The following TAFA1 variants were observed in gnomAD, a reference collection of about 807,000 sequenced individuals.
The protein encoded by TAFA1 is chemokine-like protein TAFA-1.
Under a neutral mutation model 18.5 loss-of-function variants are expected in TAFA1, and 4 were observed. The ratio of observed to expected loss-of-function variants is 0.22; its 90% CI spans 0.11 to 0.49. The LOEUF is 0.49. Ranked by LOEUF, TAFA1 falls within the 20% of genes least tolerant of loss-of-function variation. TAFA1 has a pLI of 0.98. For missense variants in TAFA1, 147 were observed against 169.0 expected, an observed-to-expected ratio of 0.87 and a Z score of 0.72; for synonymous variants, 56 against 55.2, an observed-to-expected ratio of 1.01 and a Z score of -0.06.
intron 2 of TAFA1, among the ~76,000 whole-genome samples, chr3:68,026,797 C>T (rs1286056908): frequency 6.6e-6 from 1 of 152,140 alleles, no homozygotes; most frequent in Admixed American, 6.5e-5. Context: ...ACAGTTACCT[C>T]AGGAGGTTGT....
At chr3:68,315,494 G>T (rs1340266644) in intron 2 of TAFA1, among the ~76,000 whole-genome samples, 1 of 152,094 alleles carries the variant, frequency 6.6e-6, no homozygotes, top group African/African-American at 2.4e-5. Flanking sequence ...TTCTCCTAAA[G>T]ATACATTACT....
intron 2 of TAFA1, among the ~76,000 whole-genome samples, chr3:68,012,219 T>C (rs942880946): frequency 1.3e-5 from 2 of 152,192 alleles, no homozygotes; most frequent in Admixed American, 6.5e-5. Context: ...AATGTGCAAA[T>C]CCTGACACTT....
rs919872299 is a variant in TAFA1, at chr3:68,351,385, C to G, written c.119-65895C>G. On this transcript the variant is annotated intron_variant, in intron 2 of 4. Coordinates refer to ENST00000478136, the MANE Select transcript of TAFA1 (RefSeq NM_213609.4). ...GAATCAGATAAATTGGGGTAAACAC[C>G]ACACCAGAGAATTTCTTAGTGTATT... 2.0e-5 allele frequency among the ~76,000 whole-genome samples: 3 copies of G among 151,948 alleles called. No individual in the cohort carries two copies. In the South Asian group the frequency reaches 6.2e-4, roughly 32 times the overall value.
chr3:68,473,407 T>C (rs1050482866), intron 3 of TAFA1, among the ~76,000 whole-genome samples: 1 of 152,180 alleles, frequency 6.6e-6, no homozygotes, highest in Non-Finnish European at 1.5e-5. Flanking sequence ...ATGAAGAATA[T>C]TTTGCCTTGC....
intron 3 of TAFA1, among the ~76,000 whole-genome samples, chr3:68,429,123 GC>G (rs773329027): frequency 6.6e-6 from 1 of 152,028 alleles, no homozygotes; most frequent in Non-Finnish European, 1.5e-5. Context: ...GGGAGATGTT[GC>G]CTTTCATCTT....
At chr3:68,322,901 C>CCA (rs2068716910) in intron 2 of TAFA1, among the ~76,000 whole-genome samples, 1 of 152,072 alleles carries the variant, frequency 6.6e-6, no homozygotes. Flanking sequence ...GAAGATCACA[C>CCA]CACTGCACTC....
intron 2 of TAFA1, among the ~76,000 whole-genome samples, chr3:68,360,142 C>G (rs1001572759): frequency 2.0e-5 from 3 of 151,958 alleles, no homozygotes; most frequent in African/African-American, 4.8e-5. Flanking sequence ...GATGGCACTT[C>G]AGTTCCATGC....
intron 2 of TAFA1, among the ~76,000 whole-genome samples, chr3:68,013,281 T>TTG (rs1473604306): frequency 1.3e-5 from 2 of 152,100 alleles, no homozygotes; most frequent in African/African-American, 2.4e-5. Flanking sequence ...ATGTGCATTT[T>TTG]TGTGTGTGTG....
At chr3:68,508,320 A>G (rs900234366) in intron 3 of TAFA1, among the ~76,000 whole-genome samples, 1 of 151,902 alleles carries the variant, frequency 6.6e-6, no homozygotes, top group Non-Finnish European at 1.5e-5. Flanking sequence ...TTTCAAGGGG[A>G]CATAAACATG....
At chr3:68,528,858 G>C (rs761274670) in intron 3 of TAFA1, among the ~76,000 whole-genome samples, 1 of 152,058 alleles carries the variant, frequency 6.6e-6, no homozygotes, top group African/African-American at 2.4e-5. Context: ...TTTTGGTTTG[G>C]CATGATTTTA....
chr3:68,182,613 A>G (rs1168689435), intron 2 of TAFA1, among the ~76,000 whole-genome samples: 1 of 152,130 alleles, frequency 6.6e-6, no homozygotes, highest in Non-Finnish European at 1.5e-5. Context: ...AACAACATCC[A>G]ACACCCCTTT....
intron 2 of TAFA1, among the ~76,000 whole-genome samples, chr3:68,361,301 G>A (rs1256257270): frequency 6.6e-6 from 1 of 152,070 alleles, no homozygotes; most frequent in Non-Finnish European, 1.5e-5. Context: ...TTGATCTCAT[G>A]GAGATAGACA....
intron 2 of TAFA1, among the ~76,000 whole-genome samples, chr3:68,223,071 C>G (rs1180503616): frequency 6.6e-6 from 1 of 151,910 alleles, no homozygotes; most frequent in Non-Finnish European, 1.5e-5. Context: ...GGCTTGATTT[C>G]TTTTTTGGAA....
intron 2 of TAFA1, among the ~76,000 whole-genome samples, chr3:68,308,553 CA>C (rs769425661): frequency 9.3e-5 from 14 of 150,834 alleles, no homozygotes; most frequent in Non-Finnish European, 1.3e-4. Flanking sequence ...ACTGGAGCCA[CA>C]AAAAAAAGGC....
rs531457913 is a variant in TAFA1, at chr3:68,072,249, C to T, written c.118+65505C>T. Reference sequence around the variant, plus strand: ...TGGCAATGGCAGGTGGCCTCTGCGGCAGAGCAGATATCATGAGCAACAGCA... The same window carrying T: ...TGGCAATGGCAGGTGGCCTCTGCGGTAGAGCAGATATCATGAGCAACAGCA... On this transcript the variant is annotated intron_variant, in intron 2 of 4. Transcript: ENST00000478136. Among the ~76,000 whole-genome samples, 20 of 152,232 alleles carry T rather than the reference C, an allele frequency of 1.3e-4. No homozygotes were observed. The South Asian group carries it at 4.2e-3, about 32-fold the overall frequency.
chr3:68,226,293 T>C (rs982050950), intron 2 of TAFA1, among the ~76,000 whole-genome samples: 3 of 152,236 alleles, frequency 2.0e-5, no homozygotes, highest in African/African-American at 4.8e-5. Context: ...TATGCTTTCA[T>C]GCCTATTAAC....
chr3:67,993,059 T>G, the TAFA1 span, among the ~76,000 whole-genome samples: 30 of 152,218 alleles, frequency 2.0e-4, no homozygotes, highest in Non-Finnish European at 5.9e-5. Flanking sequence ...GAAAGTAAGA[T>G]GCTTGGTAGA....
intron 3 of TAFA1, among the ~76,000 whole-genome samples, chr3:68,494,618 T>C (rs959725235): frequency 6.6e-6 from 1 of 152,196 alleles, no homozygotes; most frequent in East Asian, 1.9e-4. Context: ...TTGGTTCATG[T>C]AGTACTCTTG....
chr3:68,273,433 G>T (rs1328850666), intron 2 of TAFA1, among the ~76,000 whole-genome samples: 3 of 152,146 alleles, frequency 2.0e-5, no homozygotes, highest in Admixed American at 2.0e-4. Context: ...AAAATAAAAT[G>T]TTTTATCTTA....
Sources: gnomAD v4.1 joint callset for allele counts (sites outside exome capture counted in the v4.1 genomes callset) on GRCh38, gnomAD v4.1.1 for gene constraint, MANE v1.5 for transcripts, NCBI Gene and HGNC (gene_info 2026-07-23, HGNC 2026-07-21) for gene names.